ASIC2: variants seen among roughly 807,000 people sequenced by gnomAD.
ASIC2 encodes the protein acid-sensing ion channel 2.
ASIC2 carries 25 observed loss-of-function variants against 57.3 expected under a neutral mutation model. The ratio of observed to expected loss-of-function variants is 0.44; its 90% CI spans 0.32 to 0.61. The LOEUF (loss-of-function observed/expected upper bound fraction) is 0.61, where lower values mean the gene tolerates loss of function less well. Among genes scored for constraint, ASIC2 ranks in the 20% least tolerant of loss-of-function variants. ASIC2 has a pLI of 0.06. For synonymous variants in ASIC2, 319 were observed against 307.5 expected (o/e 1.04, Z -0.39); for missense variants, 641 against 738.1 (o/e 0.87, Z 1.52).
chr17:33,961,925 C>T (rs1267641150), intron 1 of ASIC2, among the ~76,000 whole-genome samples: 1 of 152,180 alleles, frequency 6.6e-6, no homozygotes, highest in Non-Finnish European at 1.5e-5. Flanking sequence ...ACTCAGGAAG[C>T]TACCTAACAC....
At chr17:33,213,890 A>C (rs1236941044) in intron 1 of ASIC2, among the ~76,000 whole-genome samples, 1 of 152,152 alleles carries the variant, frequency 6.6e-6, no homozygotes, top group East Asian at 1.9e-4. Flanking sequence ...GCATTCTCAC[A>C]AGTTGAGAGA....
intron 2 of ASIC2, among the ~76,000 whole-genome samples, chr17:33,108,626 CCCACTGG>C (rs1389181847): frequency 6.6e-6 from 1 of 152,232 alleles, no homozygotes; most frequent in Non-Finnish European, 1.5e-5. Flanking sequence ...GGACTCACCT[CCCACTGG>C]CCTAGGAAAT....
At chr17:33,322,239 T>C (rs1188773666) in intron 1 of ASIC2, among the ~76,000 whole-genome samples, 1 of 152,146 alleles carries the variant, frequency 6.6e-6, no homozygotes, top group Non-Finnish European at 1.5e-5. Context: ...CAAAGCCAGC[T>C]CTGTGTGTGG....
chr17:33,332,378 AC>A (rs1174527394), intron 1 of ASIC2, among the ~76,000 whole-genome samples: 2 of 152,236 alleles, frequency 1.3e-5, no homozygotes, highest in Admixed American at 1.3e-4. Context: ...TAACATTTCA[AC>A]GTGTAATAAA....
intron 1 of ASIC2, among the ~76,000 whole-genome samples, chr17:34,099,715 A>AG (rs1399860034): frequency 1.2e-4 from 17 of 144,494 alleles, no homozygotes; most frequent in African/African-American, 3.7e-4. Flanking sequence ...AAAAAGAAAG[A>AG]AAGAAAGAAG....
intron 1 of ASIC2, among the ~76,000 whole-genome samples, chr17:33,484,027 A>G (rs1340168582): frequency 6.6e-6 from 1 of 152,190 alleles, no homozygotes; most frequent in African/African-American, 2.4e-5. Flanking sequence ...AATGAGGGCA[A>G]CGGGGAGAAG....
chr17:33,666,743 T>A (rs1296509921), intron 1 of ASIC2, among the ~76,000 whole-genome samples: 1 of 152,112 alleles, frequency 6.6e-6, no homozygotes, highest in African/African-American at 2.4e-5. Context: ...AACCATCCTA[T>A]CTCTGCACTG....
chr17:33,727,246 A>G (rs1909589819), intron 1 of ASIC2, among the ~76,000 whole-genome samples: 1 of 152,218 alleles, frequency 6.6e-6, no homozygotes, highest in African/African-American at 2.4e-5. Flanking sequence ...TTTCCAGGAA[A>G]GTTCCAAGTT....
intron 1 of ASIC2, among the ~76,000 whole-genome samples, chr17:33,321,252 T>C (rs1906856765): frequency 6.6e-6 from 1 of 152,224 alleles, no homozygotes; most frequent in Admixed American, 6.5e-5. Flanking sequence ...GTGTAATATT[T>C]TACATTTAAT....
chr17:33,411,785 A>G (rs1035844020), intron 1 of ASIC2, among the ~76,000 whole-genome samples: 2 of 152,248 alleles, frequency 1.3e-5, no homozygotes, highest in Non-Finnish European at 2.9e-5. Flanking sequence ...ATCTTTGGCC[A>G]GACCATGATG....
intron 1 of ASIC2, among the ~76,000 whole-genome samples, chr17:33,382,419 A>G (rs1296502776): frequency 6.6e-6 from 1 of 152,216 alleles, no homozygotes; most frequent in African/African-American, 2.4e-5. Context: ...GGTGAAAGAT[A>G]TGTCTCCAGA....
chr17:34,068,773 G>A (rs1306040412), intron 1 of ASIC2, among the ~76,000 whole-genome samples: 2 of 152,188 alleles, frequency 1.3e-5, no homozygotes, highest in Admixed American at 6.5e-5. Context: ...CCCCACCCCA[G>A]GCCTGGCATG....
At chr17:33,023,723 C>T (rs75112067) in intron 6 of ASIC2, 138 bp downstream of exon 6, 195,816 of 1,146,798 alleles carry the variant, frequency 0.17, 18,609 homozygotes, top group Middle Eastern at 0.2. Context: ...GAGCGCAGAG[C>T]GTGACACACA....
chr17:33,279,669 C>T (rs1413057000), intron 1 of ASIC2, among the ~76,000 whole-genome samples: 1 of 152,108 alleles, frequency 6.6e-6, no homozygotes, highest in Non-Finnish European at 1.5e-5. Context: ...GGGAGGACTG[C>T]TTGAGCTCAG....
At chr17:33,244,889 G>A (rs319749) in intron 1 of ASIC2, among the ~76,000 whole-genome samples, 14,762 of 152,228 alleles carry the variant, frequency 0.097, 749 homozygotes, top group Middle Eastern at 0.16. Context: ...AACAGGATAG[G>A]GAGTGAGTAG....
chr17:33,579,369 A>G (rs1056509838), intron 1 of ASIC2, among the ~76,000 whole-genome samples: 5 of 151,266 alleles, frequency 3.3e-5, no homozygotes, highest in Non-Finnish European at 5.9e-5. Context: ...TGGTATGTTT[A>G]CAAACCTCTA....
intron 1 of ASIC2, among the ~76,000 whole-genome samples, chr17:33,224,523 C>T (rs1301031329): frequency 2.0e-5 from 3 of 151,938 alleles, no homozygotes; most frequent in Admixed American, 6.6e-5. Context: ...AGCAAGAATA[C>T]GGATCTAACT....
intron 3 of ASIC2, among the ~76,000 whole-genome samples, chr17:33,085,112 A>G (rs1294130977): frequency 6.6e-6 from 1 of 152,086 alleles, no homozygotes; most frequent in Non-Finnish European, 1.5e-5. Context: ...TCTGGAGTCA[A>G]TTTTCCTAGC....
intron 1 of ASIC2, among the ~76,000 whole-genome samples, chr17:34,095,678 G>GAT (rs1910513797): frequency 8.1e-6 from 1 of 123,332 alleles, no homozygotes; most frequent in African/African-American, 2.9e-5. Context: ...TATAGAGAGA[G>GAT]AGATATATAT....
Sources: allele counts gnomAD v4.1 joint callset (sites outside exome capture counted in the v4.1 genomes callset), GRCh38; gene constraint gnomAD v4.1.1; transcripts MANE v1.5; gene names NCBI Gene and HGNC (gene_info 2026-07-23, HGNC 2026-07-21).